The following GTF2A2 variants were observed in gnomAD, a reference collection of about 807,000 sequenced individuals.
GTF2A2 encodes general transcription factor IIA subunit 2.
GTF2A2 carries 9 observed loss-of-function variants against 14.3 expected under a neutral mutation model. That is an observed-to-expected ratio of 0.63 (90% CI 0.38 to 1.10). The LOEUF is 1.10. Among genes scored for constraint, GTF2A2 ranks in the 50% least tolerant of loss-of-function variants. The pLI is 0.01. For missense variants in GTF2A2, 90 were observed against 124.6 expected (o/e 0.72, Z 1.32); for synonymous variants, 56 against 46.0 (o/e 1.22, Z -0.88).
intron 3 of GTF2A2, among the ~76,000 whole-genome samples, chr15:59,649,145 G>C (rs28437066): frequency 0.068 from 10,340 of 152,120 alleles, 588 homozygotes; most frequent in East Asian, 0.23. Context: ...GCTACACTAA[G>C]CTAAACAGAA....
chr15:59,639,511 A>AGTGCAGT (rs1891319552), intron 4 of GTF2A2, among the ~76,000 whole-genome samples: 1 of 142,512 alleles, frequency 7.0e-6, no homozygotes, highest in African/African-American at 2.6e-5. Context: ...CCCAGGCTGG[A>AGTGCAGT]GTGCAGTGGC....
At chr15:59,645,618 A>G (rs888950854) in intron 3 of GTF2A2, among the ~76,000 whole-genome samples, 2 of 152,230 alleles carry the variant, frequency 1.3e-5, no homozygotes, top group Non-Finnish European at 2.9e-5. Context: ...TATAAAATAT[A>G]TTTAAAAATT....
chr15:59,646,873 G>T (rs1891624948), intron 3 of GTF2A2, among the ~76,000 whole-genome samples: 1 of 151,804 alleles, frequency 6.6e-6, no homozygotes, highest in Non-Finnish European at 1.5e-5. Flanking sequence ...TCTCTAACAT[G>T]AAATAAGCTT....
In GTF2A2 at chr15:59,642,016, T is replaced by C. The variant is rs534146023; in HGVS notation, c.304+120A>G. 25 of 764,438 alleles carry C rather than the reference T, an allele frequency of 3.3e-5. No homozygotes were observed. Among genetic ancestry groups the C allele is most frequent in the Middle Eastern group, 4.0e-4 (1 of 2,496 alleles). 47.4% of individuals were successfully genotyped at this position (764,438 alleles called of 1,614,324 possible). ...TAGTGGAGATAAAAGCCTGGGCTTA[T>C]CTGGGAATTGATCATAGGGCCATTT... is the stretch of plus-strand genomic sequence containing the variant. On this transcript the variant is annotated intron_variant, in intron 4 of 4. Transcript: ENST00000396060.
chr15:59,652,894 T>C (rs1891836265), intron 1 of GTF2A2: 1 of 152,096 alleles, frequency 6.6e-6, no homozygotes, highest in African/African-American at 2.4e-5. Context: ...AGGCTGCCTG[T>C]AGAAGTGAGC....
chr15:59,643,595 CTTTT>C (rs34047348), intron 3 of GTF2A2, among the ~76,000 whole-genome samples: 3 of 109,824 alleles, frequency 2.7e-5, no homozygotes, highest in Non-Finnish European at 3.7e-5. Flanking sequence ...GAAATTTTTA[CTTTT>C]TTTTTTTTTT....
chr15:59,641,598 A>G (rs555233751), intron 4 of GTF2A2, among the ~76,000 whole-genome samples: 1 of 152,312 alleles, frequency 6.6e-6, no homozygotes, highest in South Asian at 2.1e-4. Context: ...CATGAAACAG[A>G]AATTAGGTGT....
intron 1 of GTF2A2, among the ~76,000 whole-genome samples, chr15:59,655,928 G>A (rs992284800): frequency 6.6e-6 from 1 of 151,976 alleles, no homozygotes; most frequent in African/African-American, 2.4e-5. Context: ...CCATCCCTAC[G>A]GTTATCACCC....
chr15:59,654,163 G>T (rs1406180926), intron 1 of GTF2A2, among the ~76,000 whole-genome samples: 1 of 152,120 alleles, frequency 6.6e-6, no homozygotes, highest in Admixed American at 6.5e-5. Flanking sequence ...ACCAATGGCA[G>T]CATCCCATCT....
rs2141960076 is a variant in GTF2A2 at position 59,645,298 on chromosome 15, A to C, written c.178-3036T>G. 2.6e-5 allele frequency among the ~76,000 whole-genome samples: 4 copies of C among 152,318 alleles called. No individual in the cohort carries two copies. In the Middle Eastern group the frequency reaches 0.01, roughly 389 times the overall value. On this transcript the variant is annotated intron_variant, in intron 3 of 4. Transcript: ENST00000396060. ...TGTGATTATGATATTCAGTTTAACC[A>C]AAGCCAGAGGGTTGGATGAGACCAA...
At chr15:59,653,096 G>A (rs1441057839) in intron 1 of GTF2A2, 1 of 152,330 alleles carries the variant, frequency 6.6e-6, no homozygotes, top group African/African-American at 2.4e-5. Context: ...GAAGCTGAAA[G>A]AGACAGCATA....
Position 59,652,272 on chromosome 15 carries a change from T to C in GTF2A2, c.6A>G (p.Ala2=). 1 of 1,588,660 alleles carries C rather than the reference T, an allele frequency of 6.3e-7. No individual in the cohort carries two copies. Among genetic ancestry groups the C allele is most frequent in the Non-Finnish European group, 8.6e-7 (1 of 1,158,944 alleles). The change falls in exon 2 of 5, where the codon GCA becomes GCG. Residue 2 remains alanine, a synonymous_variant. Coordinates refer to ENST00000396060, the MANE Select transcript of GTF2A2 (RefSeq NM_004492.3). ...AAGTAGTATTTCTGTATAACTGATA[T>C]GCCATGGCTTAGGAGGAAGAATTTG... is the stretch of plus-strand genomic sequence containing the variant. M[A]YQLYRNTTLG...
In GTF2A2 at chr15:59,638,876, AAAATGAGTTTATTAAAG is replaced by A; in HGVS notation, c.*239_*255del. On this transcript the variant is annotated 3_prime_UTR_variant, in exon 5 of 5. Coordinates refer to ENST00000396060, the MANE Select transcript of GTF2A2 (RefSeq NM_004492.3). ...TTCACCAGTTATTACTCAGAGTTTT[AAAATGAGTTTATTAAAG>A]AAGGTTCTTAGGAAGGCAACAACTT... 1 of 389,972 alleles carries A rather than the reference AAAATGAGTTTATTAAAG, an allele frequency of 2.6e-6. No homozygotes were observed. The highest frequency in any genetic ancestry group is 4.7e-6 in the Non-Finnish European group (1 of 214,924). 24.2% of individuals were successfully genotyped at this position (389,972 alleles called of 1,614,324 possible). A position where few individuals can be genotyped will look rare whatever the true frequency, so the allele number is the denominator to read the frequency against.
In GTF2A2 at chr15:59,649,128, G is replaced by A. The variant is rs184293171; in HGVS notation, c.177+1541C>T. ...TTCTAACACATTATCTTTTGTCTTG[G>A]CCATATGCTACACTAAGCTAAACAG... On this transcript the variant is annotated intron_variant, in intron 3 of 4. Transcript: ENST00000396060. 5.0e-3 allele frequency among the ~76,000 whole-genome samples: 761 copies of A among 152,106 alleles called. 11 individuals are homozygous for A. Among genetic ancestry groups the A allele is most frequent in the Non-Finnish European group, 7.5e-3 (513 of 68,000 alleles).
intron 4 of GTF2A2, among the ~76,000 whole-genome samples, chr15:59,639,749 T>G (rs902802153): frequency 6.6e-6 from 1 of 150,614 alleles, no homozygotes; most frequent in South Asian, 2.1e-4. Flanking sequence ...TGAGCCACCG[T>G]GCCTGGCAAT....
intron 4 of GTF2A2, among the ~76,000 whole-genome samples, chr15:59,639,429 T>TAAC (rs781184684): frequency 3.3e-5 from 5 of 151,654 alleles, no homozygotes; most frequent in Non-Finnish European, 5.9e-5. Flanking sequence ...AATTGTTACA[T>TAAC]AACCTTTCTT....
At chr15:59,646,938 G>C (rs1351699576) in intron 3 of GTF2A2, among the ~76,000 whole-genome samples, 1 of 151,192 alleles carries the variant, frequency 6.6e-6, no homozygotes. Context: ...TGATTTGAAA[G>C]TCAGAATCCA....
chr15:59,655,523 C>T (rs1348309951), intron 1 of GTF2A2, among the ~76,000 whole-genome samples: 2 of 152,208 alleles, frequency 1.3e-5, no homozygotes, highest in African/African-American at 4.8e-5. Context: ...TCGGATTGTC[C>T]TAACTCACAA....
intron 3 of GTF2A2, among the ~76,000 whole-genome samples, chr15:59,643,584 G>A (rs1455714708): frequency 7.0e-6 from 1 of 143,828 alleles, no homozygotes; most frequent in Non-Finnish European, 1.5e-5. Flanking sequence ...AGCATCAAAA[G>A]GAAATTTTTA....
Sources: allele counts gnomAD v4.1 joint callset (sites outside exome capture counted in the v4.1 genomes callset), GRCh38; gene constraint gnomAD v4.1.1; transcripts MANE v1.5; gene names NCBI Gene and HGNC (gene_info 2026-07-23, HGNC 2026-07-21).